GSG1L: variants seen among roughly 807,000 people sequenced by gnomAD.
GSG1L encodes germ cell-specific gene 1-like protein.
A neutral mutation model predicts 42.1 loss-of-function variants in GSG1L; 24 were observed. The observed-to-expected ratio is 0.57, with a 90% confidence interval of 0.41 to 0.80. GSG1L has a LOEUF of 0.80. Among genes scored for constraint, GSG1L ranks in the 30% least tolerant of loss-of-function variants. The probability of loss-of-function intolerance (pLI) is 0.00; values close to 1 mark genes in which losing one functional copy is unlikely to be tolerated. For synonymous variants in GSG1L, 215 were observed against 203.5 expected, an observed-to-expected ratio of 1.06 and a Z score of -0.48; for missense variants, 445 against 472.2, an observed-to-expected ratio of 0.94 and a Z score of 0.53.
At chr16:27,937,251 T>TG (rs2084728875) in intron 2 of GSG1L, among the ~76,000 whole-genome samples, 1 of 151,988 alleles carries the variant, frequency 6.6e-6, no homozygotes, top group Non-Finnish European at 1.5e-5. Context: ...TCTGCCTTTT[T>TG]TTTTTTAATG....
At chr16:28,013,908 G>C (rs923816767) in intron 1 of GSG1L, among the ~76,000 whole-genome samples, 7 of 152,212 alleles carry the variant, frequency 4.6e-5, no homozygotes, top group African/African-American at 1.7e-4. Flanking sequence ...TTCCTATGTG[G>C]CTCACTTCAG....
At chr16:27,980,029 A>G (rs1414963653) in intron 1 of GSG1L, among the ~76,000 whole-genome samples, 3 of 152,140 alleles carry the variant, frequency 2.0e-5, no homozygotes, top group African/African-American at 7.2e-5. Context: ...ACTCCTCCCA[A>G]GGAGAGCCCG....
At chr16:27,998,756 C>T (rs554414733) in intron 1 of GSG1L, among the ~76,000 whole-genome samples, 1 of 152,044 alleles carries the variant, frequency 6.6e-6, no homozygotes, top group Admixed American at 6.5e-5. Flanking sequence ...TGCCCTCCAG[C>T]CTGAGCAACA....
At chr16:28,030,007 A>T (rs2085940839) in intron 1 of GSG1L, among the ~76,000 whole-genome samples, 1 of 152,232 alleles carries the variant, frequency 6.6e-6, no homozygotes, top group Non-Finnish European at 1.5e-5. Flanking sequence ...ACAACCCTGA[A>T]GGAAGAGGAA....
intron 2 of GSG1L, among the ~76,000 whole-genome samples, chr16:27,899,664 C>A (rs2084234466): frequency 6.6e-6 from 1 of 152,158 alleles, no homozygotes; most frequent in African/African-American, 2.4e-5. Context: ...CTACAGTGAG[C>A]TATGATTGTA....
At chr16:27,855,070 A>C (rs1383773831) in intron 3 of GSG1L, among the ~76,000 whole-genome samples, 1 of 152,186 alleles carries the variant, frequency 6.6e-6, no homozygotes, top group Non-Finnish European at 1.5e-5. Flanking sequence ...TCTTAAAAAA[A>C]TAAAATAAAA....
At chr16:28,041,194 T>C (rs2086101683) in intron 1 of GSG1L, among the ~76,000 whole-genome samples, 1 of 152,136 alleles carries the variant, frequency 6.6e-6, no homozygotes, top group African/African-American at 2.4e-5. Flanking sequence ...CTCACACCTG[T>C]AATCCTAGCA....
In GSG1L at chr16:27,811,802, C is replaced by T. The variant is rs150501517; in HGVS notation, c.831-4248G>A. ...TATCTGGAATTACAGGTGTGTGCCACCATGTTTGGTTATTTTTTTTATATT... is the reference window on the plus strand; with the variant it reads ...TATCTGGAATTACAGGTGTGTGCCATCATGTTTGGTTATTTTTTTTATATT... On this transcript the variant is annotated intron_variant, in intron 5 of 6. Transcript: ENST00000447459. 1.2e-4 allele frequency among the ~76,000 whole-genome samples: 18 copies of T among 152,308 alleles called. No individual in the cohort carries two copies. The East Asian group carries it at 3.5e-3, about 29-fold the overall frequency.
intron 2 of GSG1L, among the ~76,000 whole-genome samples, chr16:27,886,355 G>A (rs779824344): frequency 3.3e-5 from 5 of 152,166 alleles, no homozygotes; most frequent in Admixed American, 6.5e-5. Flanking sequence ...CAGGAGAATC[G>A]CTTGAACCCA....
intron 3 of GSG1L, among the ~76,000 whole-genome samples, chr16:27,857,692 T>G (rs1267969540): frequency 6.6e-6 from 1 of 152,088 alleles, no homozygotes; most frequent in Non-Finnish European, 1.5e-5. Context: ...CTGGGCGGAC[T>G]CCCCCTCCCT....
chr16:27,836,120 A>G (rs185653318), intron 4 of GSG1L, among the ~76,000 whole-genome samples: 74 of 152,242 alleles, frequency 4.9e-4, no homozygotes, highest in African/African-American at 1.8e-3. Context: ...ATAGAATTTT[A>G]AATTGATAGT....
In GSG1L at chr16:27,835,281, C is replaced by T. The variant is rs1021240437; in HGVS notation, c.663-6325G>A. Among the ~76,000 whole-genome samples, 7 of 152,126 alleles carry T rather than the reference C, an allele frequency of 4.6e-5. No individual in the cohort carries two copies. In the South Asian group the frequency reaches 6.2e-4, roughly 14 times the overall value. On this transcript the variant is annotated intron_variant, in intron 4 of 6. Transcript: ENST00000447459. Reference sequence around the variant, plus strand: ...TGTCTATTTCTGGTTATTTTATTTGCCTGAGTCTACTTTATCTAATATTAA... The same window carrying T: ...TGTCTATTTCTGGTTATTTTATTTGTCTGAGTCTACTTTATCTAATATTAA...
intron 1 of GSG1L, among the ~76,000 whole-genome samples, chr16:28,012,202 C>T (rs1409076566): frequency 6.6e-6 from 1 of 152,150 alleles, no homozygotes; most frequent in African/African-American, 2.4e-5. Context: ...GGCAGCCACC[C>T]CTCCCCTAGG....
At position 27,884,729 on chromosome 16, in the gene GSG1L, G is replaced by C. The variant is rs2084008233; in HGVS notation, c.398-91C>G. 7.8e-7 allele frequency: 1 copy of C among 1,289,064 alleles called. No individual in the cohort carries two copies. Among genetic ancestry groups the C allele is most frequent in the South Asian group, 1.5e-5 (1 of 67,610 alleles). The allele number at this position is 1,289,064 out of a possible 1,614,324, so 79.9% of individuals were successfully genotyped here. On this transcript the variant is annotated intron_variant, in intron 2 of 6. Transcript: ENST00000447459. The surrounding 1 kb of genome is among the most constrained non-coding windows in gnomAD (Gnocchi z 4.4). ...ATTCCTCCCACAACAGCAGAGGGTA[G>C]CAAGTCATTCTAGAATAGAACCTGG...
intron 1 of GSG1L, among the ~76,000 whole-genome samples, chr16:28,030,756 A>AATGGGAGGGGATGGG (rs2085948613): frequency 1.0e-5 from 1 of 95,794 alleles, no homozygotes; most frequent in African/African-American, 4.3e-5. Flanking sequence ...GTTAGGATGG[A>AATGGGAGGGGATGGG]ATGGGATGGG....
intron 6 of GSG1L, among the ~76,000 whole-genome samples, chr16:27,795,743 C>T (rs2082811365): frequency 6.6e-6 from 1 of 152,096 alleles, no homozygotes; most frequent in African/African-American, 2.4e-5. Flanking sequence ...AGTATTTGAC[C>T]ACAGGAGGTT....
At chr16:27,970,359 G>A (rs2085181307) in intron 1 of GSG1L, among the ~76,000 whole-genome samples, 2 of 151,876 alleles carry the variant, frequency 1.3e-5, no homozygotes, top group South Asian at 2.1e-4. Flanking sequence ...ATCACTTAAG[G>A]TCAGGAGTTC....
At chr16:27,801,876 G>T (rs2082886679) in intron 6 of GSG1L, among the ~76,000 whole-genome samples, 1 of 152,150 alleles carries the variant, frequency 6.6e-6, no homozygotes, top group Admixed American at 6.5e-5. Context: ...CCGTATTTAG[G>T]GTTAAATGAG....
At chr16:27,819,865 C>T (rs777297119) in intron 5 of GSG1L, among the ~76,000 whole-genome samples, 80 of 151,880 alleles carry the variant, frequency 5.3e-4, no homozygotes, top group Non-Finnish European at 1.6e-4. Context: ...TTAGAGGGGA[C>T]AAAAATGGGT....
Sources: gnomAD v4.1 joint callset for allele counts (sites outside exome capture counted in the v4.1 genomes callset) on GRCh38, gnomAD v4.1.1 for gene constraint, Gnocchi (gnomAD v3.1) non-coding constraint, MANE v1.5 for transcripts, NCBI Gene and HGNC (gene_info 2026-07-23, HGNC 2026-07-21) for gene names.